NRXN3: variants seen among roughly 807,000 people sequenced by gnomAD.
NRXN3 encodes neurexin 3, also known as neurexin III.
NRXN3 carries 32 observed loss-of-function variants against 137.6 expected under a neutral mutation model. The observed-to-expected ratio is 0.23, with a 90% CI of 0.18 to 0.31. NRXN3 has a LOEUF of 0.31. NRXN3 is among the 10% of genes least tolerant of loss of function. The probability of loss-of-function intolerance (pLI) is 1.00; values close to 1 mark genes in which losing one functional copy is unlikely to be tolerated. For synonymous variants in NRXN3, 798 were observed against 784.5 expected, an observed-to-expected ratio of 1.02 and a Z score of -0.29; for missense variants, 1,574 against 2,062.5, an observed-to-expected ratio of 0.76 and a Z score of 4.59.
At chr14:78,706,448 A>G (rs1384983665) in intron 6 of NRXN3, among the ~76,000 whole-genome samples, 14 of 152,172 alleles carry the variant, frequency 9.2e-5, no homozygotes, top group Admixed American at 8.5e-4. Context: ...ATGACTTTCC[A>G]TGTAATGTTA....
chr14:78,553,838 G>A (rs1424276843), intron 4 of NRXN3, among the ~76,000 whole-genome samples: 1 of 152,150 alleles, frequency 6.6e-6, no homozygotes, highest in African/African-American at 2.4e-5. Context: ...TGTGTTAGTT[G>A]TGCCTACAGC....
intron 4 of NRXN3, among the ~76,000 whole-genome samples, chr14:78,582,216 G>A (rs765848362): frequency 6.6e-6 from 1 of 152,198 alleles, no homozygotes; most frequent in Non-Finnish European, 1.5e-5. Context: ...TATTCAAGCA[G>A]CAGTCAGTCA....
chr14:78,272,392 G>A (rs1322925187), intron 2 of NRXN3, among the ~76,000 whole-genome samples: 3 of 152,214 alleles, frequency 2.0e-5, no homozygotes, highest in African/African-American at 4.8e-5. Flanking sequence ...GAGCAATTGG[G>A]CGAGGAATTC....
chr14:79,517,574 C>G (rs756803070), intron 16 of NRXN3, among the ~76,000 whole-genome samples: 7 of 152,076 alleles, frequency 4.6e-5, no homozygotes, highest in Non-Finnish European at 8.8e-5. Flanking sequence ...ATGGTTTTCT[C>G]TTAGCACTAC....
intron 15 of NRXN3, among the ~76,000 whole-genome samples, chr14:79,450,454 G>C (rs1160722387): frequency 1.3e-5 from 2 of 152,090 alleles, no homozygotes; most frequent in East Asian, 3.8e-4. Flanking sequence ...AAAATAATAA[G>C]TATCTGAGGT....
chr14:78,635,434 A>G (rs1023366703), intron 4 of NRXN3, among the ~76,000 whole-genome samples: 2 of 152,206 alleles, frequency 1.3e-5, no homozygotes, highest in Non-Finnish European at 2.9e-5. Flanking sequence ...TTTGGTAGCA[A>G]TTAGTGTTGA....
intron 15 of NRXN3, among the ~76,000 whole-genome samples, chr14:79,203,432 A>C (rs7154580): frequency 0.028 from 4,334 of 152,254 alleles, 145 homozygotes; most frequent in East Asian, 0.1. Flanking sequence ...GCAGTAGATA[A>C]ATGAATTAGG....
chr14:78,471,034 G>A (rs1033351616), intron 4 of NRXN3, among the ~76,000 whole-genome samples: 3 of 152,116 alleles, frequency 2.0e-5, no homozygotes, highest in South Asian at 4.2e-4. Flanking sequence ...TCTTGCTTGT[G>A]TAATGACAAG....
chr14:79,837,345 TGGGGCACA>T (rs2099346241), intron 20 of NRXN3, among the ~76,000 whole-genome samples: 1 of 152,102 alleles, frequency 6.6e-6, no homozygotes, highest in African/African-American at 2.4e-5. Flanking sequence ...GGCACTAAAA[TGGGGCACA>T]GAGACTAAGT....
intron 15 of NRXN3, among the ~76,000 whole-genome samples, chr14:79,418,949 CA>C (rs2095536717): frequency 6.6e-6 from 1 of 151,752 alleles, no homozygotes; most frequent in Non-Finnish European, 1.5e-5. Flanking sequence ...TAACTATGGG[CA>C]AAAAAGAAAC....
intron 4 of NRXN3, among the ~76,000 whole-genome samples, chr14:78,443,417 T>C (rs980500932): frequency 4.6e-5 from 7 of 152,172 alleles, no homozygotes; most frequent in Admixed American, 3.3e-4. Flanking sequence ...CTCACTGGCA[T>C]AAATCTGCCA....
At chr14:78,572,263 T>C (rs1390136764) in intron 4 of NRXN3, among the ~76,000 whole-genome samples, 1 of 152,228 alleles carries the variant, frequency 6.6e-6, no homozygotes, top group Non-Finnish European at 1.5e-5. Context: ...ACTCTGTCTC[T>C]GTCTCCCCTC....
At chr14:78,724,327 G>A (rs2098473485) in intron 8 of NRXN3, among the ~76,000 whole-genome samples, 2 of 152,174 alleles carry the variant, frequency 1.3e-5, no homozygotes, top group African/African-American at 4.8e-5. Flanking sequence ...CTGTTAAGAG[G>A]AAAAAGCAGC....
intron 2 of NRXN3, among the ~76,000 whole-genome samples, chr14:78,266,049 T>G (rs2071646981): frequency 6.6e-6 from 1 of 152,218 alleles, no homozygotes; most frequent in Non-Finnish European, 1.5e-5. Context: ...GGACCTTACT[T>G]GAAGTCCTAA....
rs188455553 is a variant in NRXN3, at chr14:79,419,627, G to A, written c.3263-47594G>A. ...GAGGGGAGAGAGAGAGAGAAAGGGA[G>A]GGGAGAGAAGGATGAAAGAGAGAGA... On this transcript the variant is annotated intron_variant, in intron 15 of 20. Transcript: ENST00000335750. Among the ~76,000 whole-genome samples the A allele has an allele frequency of 9.0e-4, 137 of 152,172 alleles. 1 individual carries two copies. Among genetic ancestry groups the A allele is most frequent in the African/African-American group, 3.2e-3 (132 of 41,542 alleles).
intron 15 of NRXN3, among the ~76,000 whole-genome samples, chr14:79,195,835 G>A (rs2065054768): frequency 6.6e-6 from 1 of 152,204 alleles, no homozygotes; most frequent in Admixed American, 6.5e-5. Flanking sequence ...TGGAGAGGAT[G>A]GCCTTAAGGA....
chr14:78,952,686 C>T (rs957546206), intron 10 of NRXN3, among the ~76,000 whole-genome samples: 1 of 152,124 alleles, frequency 6.6e-6, no homozygotes, highest in African/African-American at 2.4e-5. Flanking sequence ...TTTCACTACG[C>T]CTTTCTAAAG....
intron 19 of NRXN3, among the ~76,000 whole-genome samples, chr14:79,736,286 T>C (rs1000646391): frequency 6.6e-6 from 1 of 152,210 alleles, no homozygotes; most frequent in Non-Finnish European, 1.5e-5. Flanking sequence ...CTTATAAGGG[T>C]GAGTTTCCAG....
intron 19 of NRXN3, among the ~76,000 whole-genome samples, chr14:79,784,520 G>A (rs2099123255): frequency 6.6e-6 from 1 of 151,340 alleles, no homozygotes; most frequent in Admixed American, 6.6e-5. Flanking sequence ...GACTGAAGGA[G>A]ATAGGCTGCA....
Sources: gnomAD v4.1 joint callset for allele counts (sites outside exome capture counted in the v4.1 genomes callset) on GRCh38, gnomAD v4.1.1 for gene constraint, MANE v1.5 for transcripts, NCBI Gene and HGNC (gene_info 2026-07-23, HGNC 2026-07-21) for gene names.